The following ELOVL5 variants were observed in gnomAD, a reference collection of about 807,000 sequenced individuals.
ELOVL5 encodes the protein very long chain fatty acid elongase 5.
In ELOVL5, 8 loss-of-function variants were observed where a neutral mutation model predicts 38.6. The ratio of observed to expected loss-of-function variants is 0.21; its 90% confidence interval spans 0.12 to 0.37. The LOEUF is 0.37. ELOVL5 is among the 10% of genes least tolerant of loss of function. ELOVL5 has a pLI of 1.00. For missense variants in ELOVL5, 280 were observed against 367.8 expected (o/e 0.76, Z 1.95); for synonymous variants, 127 against 133.7 (o/e 0.95, Z 0.34).
chr6:53,307,870 T>C (rs1345504139), intron 1 of ELOVL5, among the ~76,000 whole-genome samples: 1 of 152,188 alleles, frequency 6.6e-6, no homozygotes, highest in Non-Finnish European at 1.5e-5. Context: ...AATAAACTTA[T>C]TCATTTACCA....
chr6:53,326,434 T>C (rs1768543742), intron 1 of ELOVL5, among the ~76,000 whole-genome samples: 1 of 152,156 alleles, frequency 6.6e-6, no homozygotes, highest in Non-Finnish European at 1.5e-5. Context: ...CTGCTTTCCC[T>C]AGCCCAACTT....
intron 1 of ELOVL5, among the ~76,000 whole-genome samples, chr6:53,309,344 T>C (rs1177179402): frequency 6.6e-6 from 1 of 152,134 alleles, no homozygotes; most frequent in Non-Finnish European, 1.5e-5. Flanking sequence ...CCAAGGACAA[T>C]TCCATACATT....
intron 3 of ELOVL5, among the ~76,000 whole-genome samples, chr6:53,280,643 T>C (rs1174103408): frequency 6.6e-6 from 1 of 152,240 alleles, no homozygotes; most frequent in Non-Finnish European, 1.5e-5. Context: ...CTCAGGCTGG[T>C]GTGCAGTGGC....
Position 53,275,166 on chromosome 6 carries a change from C to T in ELOVL5, c.420G>A (p.Thr140=), listed in dbSNP as rs751539740. ...AGGCATGGTGGTAGACGTGCAGGAC[C>T]GTGATCTGGTGGTTGTTCTTGCGCA... ...FILRKNNHQI[T]VLHVYHHASM... The change falls in exon 5 of 8, where the codon ACG becomes ACA. Residue 140 remains threonine, a synonymous_variant. Transcript: ENST00000304434. 610 of 1,614,016 alleles carry T rather than the reference C, an allele frequency of 3.8e-4. 2 individuals are homozygous for T. Among genetic ancestry groups the T allele is most frequent in the Non-Finnish European group, 2.8e-5 (33 of 1,180,038 alleles).
intron 1 of ELOVL5, among the ~76,000 whole-genome samples, chr6:53,299,261 A>T (rs1205236783): frequency 6.6e-6 from 1 of 152,260 alleles, no homozygotes; most frequent in Non-Finnish European, 1.5e-5. Flanking sequence ...AACAGGAGGA[A>T]TATGTCTAAC....
chr6:53,306,086 T>C (rs995389862), intron 1 of ELOVL5, among the ~76,000 whole-genome samples: 6 of 150,370 alleles, frequency 4.0e-5, no homozygotes, highest in Non-Finnish European at 8.9e-5. Flanking sequence ...CGCCTGCAAT[T>C]GCAGGCACTC....
chr6:53,344,726 A>G (rs1392604115), intron 1 of ELOVL5, among the ~76,000 whole-genome samples: 1 of 152,164 alleles, frequency 6.6e-6, no homozygotes, highest in Non-Finnish European at 1.5e-5. Flanking sequence ...TATTACATCA[A>G]TAACTTGCCT....
chr6:53,348,425 C>T (rs1769672782), intron 1 of ELOVL5, among the ~76,000 whole-genome samples: 1 of 152,170 alleles, frequency 6.6e-6, no homozygotes, highest in Non-Finnish European at 1.5e-5. Context: ...CGCGCTCCGG[C>T]CCGCAGGGCG....
intron 1 of ELOVL5, among the ~76,000 whole-genome samples, chr6:53,325,115 G>C (rs1768483756): frequency 6.6e-6 from 1 of 152,166 alleles, no homozygotes; most frequent in Non-Finnish European, 1.5e-5. Context: ...TCGCTAACAT[G>C]AATGTCCTAT....
chr6:53,348,608 TC>T (rs1769686647), intron 1 of ELOVL5, among the ~76,000 whole-genome samples: 1 of 152,050 alleles, frequency 6.6e-6, no homozygotes, highest in African/African-American at 2.4e-5. Flanking sequence ...CGCACCCCTT[TC>T]CCCGCGCCCG....
intron 3 of ELOVL5, among the ~76,000 whole-genome samples, chr6:53,289,713 T>G (rs1561869546): frequency 1.3e-5 from 2 of 152,202 alleles, no homozygotes; most frequent in African/African-American, 4.8e-5. Context: ...AGAGTGAAAC[T>G]GTCTCAAAAC....
intron 1 of ELOVL5, among the ~76,000 whole-genome samples, chr6:53,308,555 T>C (rs1367795818): frequency 6.6e-6 from 1 of 152,232 alleles, no homozygotes; most frequent in Non-Finnish European, 1.5e-5. Flanking sequence ...ACCTAACAGC[T>C]TTAAAATCAG....
intron 3 of ELOVL5, among the ~76,000 whole-genome samples, chr6:53,285,404 G>A (rs1175222410): frequency 1.3e-5 from 2 of 152,186 alleles, no homozygotes; most frequent in Non-Finnish European, 2.9e-5. Context: ...AGCTGCAGAA[G>A]AAAAGCTTGA....
At chr6:53,328,754 A>C (rs1288267568) in intron 1 of ELOVL5, among the ~76,000 whole-genome samples, 1 of 52,882 alleles carries the variant, frequency 1.9e-5, no homozygotes, top group Non-Finnish European at 3.7e-5. Flanking sequence ...GCAAAGAGAA[A>C]GGGATGAATT....
At chr6:53,275,364 G>C (rs1766072527) in intron 4 of ELOVL5, 103 bp from the exon 5 acceptor site, 1 of 1,170,674 alleles carries the variant, frequency 8.5e-7, no homozygotes, top group Non-Finnish European at 1.2e-6. Context: ...TGTCAACTCG[G>C]AGAAGCCCGA....
intron 1 of ELOVL5, among the ~76,000 whole-genome samples, chr6:53,308,396 C>T (rs528785585): frequency 6.6e-6 from 1 of 152,164 alleles, no homozygotes; most frequent in Non-Finnish European, 1.5e-5. Flanking sequence ...CCCATTTTAT[C>T]GCTAGAGTGT....
intron 1 of ELOVL5, among the ~76,000 whole-genome samples, chr6:53,299,934 A>C (rs1433190345): frequency 6.6e-6 from 1 of 152,212 alleles, no homozygotes; most frequent in East Asian, 1.9e-4. Flanking sequence ...AACATTCTCT[A>C]AAAGAACAGA....
chr6:53,276,323 T>C, intron 3 of ELOVL5, 67 bp from the exon 4 acceptor site: 2 of 1,035,652 alleles, frequency 1.9e-6, no homozygotes, highest in Non-Finnish European at 3.0e-6. Flanking sequence ...TTGAACTTTA[T>C]TAGTTGCAGA....
chr6:53,345,012 A>T (rs1769479115), intron 1 of ELOVL5, among the ~76,000 whole-genome samples: 1 of 152,186 alleles, frequency 6.6e-6, no homozygotes, highest in Non-Finnish European at 1.5e-5. Context: ...GCCCTTCTTA[A>T]AGGTGAAGCA....
Sources: gnomAD v4.1 joint callset for allele counts (sites outside exome capture counted in the v4.1 genomes callset) on GRCh38, gnomAD v4.1.1 for gene constraint, MANE v1.5 for transcripts, NCBI Gene and HGNC (gene_info 2026-07-23, HGNC 2026-07-21) for gene names.